DMD: variants seen among roughly 807,000 people sequenced by gnomAD.
DMD encodes the protein dystrophin.
In DMD, 63 loss-of-function variants were observed where a neutral mutation model predicts 330.1. The ratio of observed to expected loss-of-function variants is 0.19; its 90% confidence interval spans 0.16 to 0.24. The LOEUF (loss-of-function observed/expected upper bound fraction) is 0.24, where lower values mean the gene tolerates loss of function less well. DMD is among the 10% of genes least tolerant of loss of function. The pLI is 1.00. For synonymous variants in DMD, 1,223 were observed against 959.8 expected, an observed-to-expected ratio of 1.27 and a Z score of -5.07; for missense variants, 3,344 against 2,684.1, an observed-to-expected ratio of 1.25 and a Z score of -5.43.
intron 55 of DMD, among the ~76,000 whole-genome samples, chrX:31,607,329 A>T (rs2077662749): frequency 8.9e-6 from 1 of 112,151 alleles, no homozygotes; most frequent in Non-Finnish European, 1.9e-5. Flanking sequence ...CTACAATGAC[A>T]CATAAATAGT....
chrX:32,238,206 G>C (rs1033979628), intron 43 of DMD, among the ~76,000 whole-genome samples: 3 of 111,922 alleles, frequency 2.7e-5, no homozygotes, highest in African/African-American at 9.7e-5. Flanking sequence ...TTATTTGGCA[G>C]TTTCTGAAGG....
At chrX:32,483,820 C>CAAAAA (rs770119472) in intron 21 of DMD, among the ~76,000 whole-genome samples, 780 of 37,245 alleles carry the variant, frequency 0.021, 97 homozygotes, top group African/African-American at 0.087. Flanking sequence ...CTCTGAAGTA[C>CAAAAA]AAAAAAAAAA....
intron 2 of DMD, among the ~76,000 whole-genome samples, chrX:32,886,017 T>C (rs1392844295): frequency 9.1e-6 from 1 of 110,422 alleles, no homozygotes; most frequent in African/African-American, 3.3e-5. Context: ...AATAAATTCA[T>C]CTAATAAAAA....
chrX:32,554,548 C>T (rs1391590966), intron 16 of DMD, among the ~76,000 whole-genome samples: 1 of 109,349 alleles, frequency 9.1e-6, no homozygotes, highest in Admixed American at 9.9e-5. Flanking sequence ...ACACATTTCT[C>T]CCCTCTAAGA....
At chrX:32,699,429 C>T in intron 7 of DMD, 136 bp from the exon 8 acceptor site, 1 of 541,017 alleles carries the variant, frequency 1.8e-6, no homozygotes, top group African/African-American at 2.3e-5. Flanking sequence ...CCTCCAGAGA[C>T]TAATTAGAAC....
intron 2 of DMD, among the ~76,000 whole-genome samples, chrX:32,881,737 T>C (rs2083963807): frequency 8.9e-6 from 1 of 112,268 alleles, no homozygotes; most frequent in Non-Finnish European, 1.9e-5. Flanking sequence ...TTTCCATATA[T>C]CTTATTAGAC....
At chrX:31,544,318 C>T (rs1254822202) in intron 55 of DMD, among the ~76,000 whole-genome samples, 4 of 88,910 alleles carry the variant, frequency 4.5e-5, no homozygotes, top group East Asian at 3.8e-4. Flanking sequence ...GGTGAGACTC[C>T]GTCTCAAAAA....
rs769620056 is a variant in DMD at position 32,642,128 on chromosome X, T to C, written c.1331+2004A>G. 2.7e-5 allele frequency among the ~76,000 whole-genome samples: 3 copies of C among 112,138 alleles called. No homozygotes were observed. The Admixed American group carries it at 2.8e-4, about 11-fold the overall frequency. On this transcript the variant is annotated intron_variant, in intron 11 of 78. Coordinates refer to ENST00000357033, the MANE Select transcript of DMD (RefSeq NM_004006.3). ...AATGGCTTATCACATTAGAATTTAATAGGTTTTATGCACGAACACATACAT... is the reference window on the plus strand; with the variant it reads ...AATGGCTTATCACATTAGAATTTAACAGGTTTTATGCACGAACACATACAT...
chrX:33,320,230 G>A (rs2053995965), intron 1 of DMD, among the ~76,000 whole-genome samples: 1 of 111,722 alleles, frequency 9.0e-6, no homozygotes, highest in South Asian at 3.7e-4. Flanking sequence ...GGTACAATAC[G>A]TTTAGTACAA....
chrX:33,194,963 A>T (rs73623922), intron 1 of DMD, among the ~76,000 whole-genome samples: 5,608 of 111,666 alleles, frequency 0.05, 345 homozygotes, highest in African/African-American at 0.17. Flanking sequence ...GGCTCTGTAG[A>T]TCCTATTTTT....
chrX:31,824,904 G>A (rs1434299629), intron 49 of DMD, among the ~76,000 whole-genome samples: 1 of 111,495 alleles, frequency 9.0e-6, no homozygotes, highest in African/African-American at 3.3e-5. Context: ...GGCTTTCAAT[G>A]TTTTTATCCA....
rs1449615601 is a variant in DMD at position 31,474,720 on chromosome X, AAT to A, written c.8937+3384_8937+3385del. 2.8e-3 allele frequency among the ~76,000 whole-genome samples: 277 copies of A among 100,014 alleles called. 3 individuals are homozygous for A. The highest frequency in any genetic ancestry group is 4.5e-3 in the Non-Finnish European group (223 of 50,057). The allele number at this position is 100,014 out of a possible 115,157, so 86.9% of individuals were successfully genotyped here. A position where few individuals can be genotyped will look rare whatever the true frequency, so the allele number is the denominator to read the frequency against. On this transcript the variant is annotated intron_variant, in intron 59 of 78. Transcript: ENST00000357033. ...CGAGACTGTCGCAAAAAAAAAATAA[AAT>A]AAAATAAAATAAAATAAAATAAAAT...
intron 1 of DMD, among the ~76,000 whole-genome samples, chrX:33,248,428 TATC>T (rs1366890117): frequency 1.8e-5 from 2 of 112,507 alleles, no homozygotes; most frequent in Admixed American, 1.9e-4. Flanking sequence ...ATGAGGAAAT[TATC>T]ATTATTTTAT....
chrX:32,779,285 A>G (rs2074473453), intron 7 of DMD, among the ~76,000 whole-genome samples: 1 of 109,253 alleles, frequency 9.2e-6, no homozygotes, highest in Non-Finnish European at 1.9e-5. Context: ...ACTAGATGGG[A>G]ACTGATAACA....
chrX:32,209,780 T>C (rs1210913499), intron 44 of DMD, among the ~76,000 whole-genome samples: 2 of 112,000 alleles, frequency 1.8e-5, no homozygotes, highest in African/African-American at 3.2e-5. Flanking sequence ...CAGTAAGTTA[T>C]GTTTTTTTGT....
intron 1 of DMD, among the ~76,000 whole-genome samples, chrX:33,024,141 A>T (rs903655106): frequency 3.6e-5 from 4 of 111,987 alleles, no homozygotes; most frequent in Non-Finnish European, 7.5e-5. Context: ...CGTTAACATG[A>T]TGTCTATTTC....
chrX:31,618,383 T>G (rs1440347386), intron 55 of DMD, among the ~76,000 whole-genome samples: 1 of 111,600 alleles, frequency 9.0e-6, no homozygotes, highest in African/African-American at 3.3e-5. Flanking sequence ...ATGAGTAGAT[T>G]TCTAGGGCAA....
chrX:32,374,895 G>A (rs1239537420), intron 34 of DMD, among the ~76,000 whole-genome samples: 1 of 111,550 alleles, frequency 9.0e-6, no homozygotes, highest in African/African-American at 3.3e-5. Context: ...GAAAGTAATC[G>A]AGAAACAGAG....
rs2034876653 is a variant in DMD, at chrX:31,134,155, G to T, written c.10961C>A (p.Thr3654Lys). 8.3e-7 allele frequency: 1 copy of T among 1,211,334 alleles called. No homozygotes were observed. The highest frequency in any genetic ancestry group is 2.2e-5 in the Admixed American group (1 of 46,027). Reference protein sequence around the residue: ...DLLSPPQDTSTGLEEVMEQLN... With the variant: ...DLLSPPQDTSKGLEEVMEQLN... ...TTGCTCCATCACCTCCTCTAACCCT[G>T]TGCTTGTGTCCTGGGGAGGACTGAG... The change falls in exon 77 of 79, where the codon ACA (threonine) becomes AAA (lysine). Residue 3654 changes from threonine to lysine, a missense_variant. Coordinates refer to ENST00000357033, the MANE Select transcript of DMD (RefSeq NM_004006.3).
Sources: allele counts gnomAD v4.1 joint callset (sites outside exome capture counted in the v4.1 genomes callset), GRCh38; gene constraint gnomAD v4.1.1; transcripts MANE v1.5; gene names NCBI Gene and HGNC (gene_info 2026-07-23, HGNC 2026-07-21).